Variants in PROM1 observed in about 807,000 individuals in gnomAD.
PROM1 encodes prominin-1.
Under a neutral mutation model 116.9 loss-of-function variants are expected in PROM1, and 105 were observed. The ratio of observed to expected loss-of-function variants is 0.90; its 90% CI spans 0.77 to 1.06. The LOEUF (loss-of-function observed/expected upper bound fraction) is 1.06, where lower values mean the gene tolerates loss of function less well. PROM1 is among the 50% of genes least tolerant of loss of function. The pLI is 0.00. For synonymous variants in PROM1, 393 were observed against 387.0 expected, an observed-to-expected ratio of 1.02 and a Z score of -0.18; for missense variants, 1,122 against 1,045.2, an observed-to-expected ratio of 1.07 and a Z score of -1.01.
At chr4:15,973,896 GC>G (rs1715347380) in intron 26 of PROM1, among the ~76,000 whole-genome samples, 1 of 152,144 alleles carries the variant, frequency 6.6e-6, no homozygotes, top group Non-Finnish European at 1.5e-5. Flanking sequence ...GGTGACGACA[GC>G]CATAGAGGGC....
intron 8 of PROM1, 146 bp downstream of exon 8, chr4:16,023,180 G>A (rs1730334692): frequency 1.5e-6 from 1 of 681,342 alleles, no homozygotes; most frequent in Middle Eastern, 2.7e-4. Flanking sequence ...TTGCAACACA[G>A]TGTCTTGACC....
Position 15,989,841 on chromosome 4 carries a change from A to T in PROM1, c.1984-17T>A, listed in dbSNP as rs1343482161. 1 of 1,563,468 alleles carries T rather than the reference A, an allele frequency of 6.4e-7. No homozygotes were observed. Among genetic ancestry groups the T allele is most frequent in the African/African-American group, 1.4e-5 (1 of 73,958 alleles). On this transcript the variant is annotated splice_polypyrimidine_tract_variant and intron_variant, in intron 18 of 27. Transcript: ENST00000447510. ...TCCTGGGGGCTACAAAAAGAATAAA[A>T]AACAAAGATCAATACCATCTTTCCA... is the stretch of plus-strand genomic sequence containing the variant.
rs546821612 is a variant in PROM1 at position 15,979,313 on chromosome 4, C to T, written c.2582+82G>A. On this transcript the variant is annotated intron_variant, in intron 26 of 27. Transcript: ENST00000447510. ...CAGAGAGAAGTGAAGGCATCAGCAG[C>T]ATGCAGAAAATTCAGTGCTGATCTA... 7.8e-5 allele frequency: 125 copies of T among 1,598,688 alleles called. 1 individual carries two copies. Among genetic ancestry groups the T allele is most frequent in the Middle Eastern group, 3.3e-4 (2 of 6,014 alleles).
intron 2 of PROM1, among the ~76,000 whole-genome samples, chr4:16,052,877 G>A (rs944960954): frequency 1.3e-5 from 2 of 152,166 alleles, no homozygotes; most frequent in African/African-American, 4.8e-5. Context: ...AAATCTGGAA[G>A]ACACTACCTT....
chr4:16,069,727 G>C (rs1742369739), intron 2 of PROM1, among the ~76,000 whole-genome samples: 1 of 152,160 alleles, frequency 6.6e-6, no homozygotes, highest in African/African-American at 2.4e-5. Flanking sequence ...GAAGTATTCA[G>C]GGAAAAACTT....
chr4:16,015,617 G>C (rs112816101), intron 10 of PROM1, among the ~76,000 whole-genome samples: 12 of 151,916 alleles, frequency 7.9e-5, no homozygotes, highest in Admixed American at 7.9e-4. Flanking sequence ...TTGAACTCGG[G>C]AGGCAGAGGT....
intron 10 of PROM1, among the ~76,000 whole-genome samples, chr4:16,015,943 T>C (rs62290170): frequency 3.3e-4 from 50 of 152,170 alleles, no homozygotes; most frequent in Non-Finnish European, 6.0e-4. Flanking sequence ...CTTCTTGATC[T>C]CTCATGGTCT....
intron 12 of PROM1, among the ~76,000 whole-genome samples, chr4:16,008,013 A>G (rs1725943309): frequency 6.6e-6 from 1 of 152,218 alleles, no homozygotes; most frequent in Admixed American, 6.5e-5. Context: ...AGGGTTGTAA[A>G]TGGAACACAG....
At chr4:16,009,694 C>G (rs984439689) in intron 11 of PROM1, among the ~76,000 whole-genome samples, 1 of 152,082 alleles carries the variant, frequency 6.6e-6, no homozygotes, top group African/African-American at 2.4e-5. Flanking sequence ...AATCCCAGCA[C>G]TTTGGGAGTC....
intron 1 of PROM1, chr4:16,083,408 C>CT (rs1343402067): frequency 6.6e-6 from 1 of 151,740 alleles, no homozygotes; most frequent in Non-Finnish European, 1.5e-5. Flanking sequence ...ACCACTCAGA[C>CT]TAAAAAGTTT....
chr4:15,985,887 T>TTAAGC, intron 21 of PROM1, 59 bp from the exon 22 acceptor site: 1 of 736,120 alleles, frequency 1.4e-6, no homozygotes, highest in Non-Finnish European at 2.2e-6. Flanking sequence ...ACTTAAACAT[T>TTAAGC]ATAAATATTT....
At chr4:16,001,809 G>A (rs1723931328) in intron 13 of PROM1, among the ~76,000 whole-genome samples, 1 of 152,178 alleles carries the variant, frequency 6.6e-6, no homozygotes, top group Admixed American at 6.5e-5. Flanking sequence ...GGAAGAGGCA[G>A]TGTGGGTAAA....
Position 16,000,047 on chromosome 4 carries a change from C to T in PROM1, c.1578+449G>A, listed in dbSNP as rs530552821. On this transcript the variant is annotated intron_variant, in intron 14 of 27. Coordinates refer to ENST00000447510, the MANE Select transcript of PROM1 (RefSeq NM_006017.3). The stretch of plus-strand genomic sequence containing the variant: ...GGTCAGCCCTCTGCCACGAGTCATC[C>T]GCTTATCAGTCTCTTTCCCTTCAAA... Among the ~76,000 whole-genome samples the T allele has an allele frequency of 7.2e-5, 11 of 152,156 alleles. No homozygotes were observed. The South Asian group carries it at 8.3e-4, about 11-fold the overall frequency.
At chr4:16,066,809 T>C (rs897011422) in intron 2 of PROM1, among the ~76,000 whole-genome samples, 4 of 152,208 alleles carry the variant, frequency 2.6e-5, no homozygotes, top group South Asian at 2.1e-4. Flanking sequence ...CTGCATGTAT[T>C]GAAGGCCTCC....
intron 2 of PROM1, among the ~76,000 whole-genome samples, chr4:16,042,528 C>A (rs1453216750): frequency 6.6e-6 from 1 of 152,196 alleles, no homozygotes; most frequent in East Asian, 1.9e-4. Flanking sequence ...GAAGCCCTGA[C>A]TTCACGACTA....
Position 15,985,823 on chromosome 4 carries a change from A to G in PROM1, c.2217T>C (p.Thr739=), listed in dbSNP as rs772606066. 3.6e-5 allele frequency: 39 copies of G among 1,091,696 alleles called. No homozygotes were observed. In the South Asian group the frequency reaches 6.8e-4, roughly 19 times the overall value. 67.6% of individuals were successfully genotyped at this position (1,091,696 alleles called of 1,614,324 possible). A position where few individuals can be genotyped will look rare whatever the true frequency, so the allele number is the denominator to read the frequency against. ...CTATTATTGTTCTCCCATACTTCTT[A>G]GTTTCCTGGAAAGAAACAAAAGATG... ...NNTSSVIIEE[T]KKYGRTIIGY... The change falls in exon 22 of 28, where the codon ACT becomes ACC. Residue 739 remains threonine (T), a synonymous_variant. Coordinates refer to ENST00000447510, the MANE Select transcript of PROM1 (RefSeq NM_006017.3).
chr4:16,082,251 C>G (rs1347622530), intron 1 of PROM1: 1 of 151,960 alleles, frequency 6.6e-6, no homozygotes, highest in Non-Finnish European at 1.5e-5. Context: ...CAAGTTGAAT[C>G]ATATGAGGTT....
intron 8 of PROM1, among the ~76,000 whole-genome samples, chr4:16,019,490 G>A (rs1485136883): frequency 1.3e-5 from 2 of 152,162 alleles, no homozygotes; most frequent in African/African-American, 2.4e-5. Context: ...TTCACCATGG[G>A]TTTATTGGGA....
intron 15 of PROM1, among the ~76,000 whole-genome samples, chr4:15,998,122 T>C (rs1056336278): frequency 3.9e-5 from 6 of 152,228 alleles, no homozygotes; most frequent in Admixed American, 2.6e-4. Flanking sequence ...TAGTGCATCG[T>C]AGGGTCACCT....
Sources: allele counts gnomAD v4.1 joint callset (sites outside exome capture counted in the v4.1 genomes callset), GRCh38; gene constraint gnomAD v4.1.1; transcripts MANE v1.5; gene names NCBI Gene and HGNC (gene_info 2026-07-23, HGNC 2026-07-21).